MARCHF1: variants seen among roughly 807,000 people sequenced by gnomAD.
MARCHF1 encodes the protein membrane associated ring-CH-type finger 1, also known as E3 ubiquitin-protein ligase MARCHF1.
MARCHF1 carries 40 observed loss-of-function variants against 54.2 expected under a neutral mutation model. The ratio of observed to expected loss-of-function variants is 0.74; its 90% CI spans 0.57 to 0.96. The LOEUF (loss-of-function observed/expected upper bound fraction) is 0.96, where lower values mean the gene tolerates loss of function less well. Among genes scored for constraint, MARCHF1 ranks in the 40% least tolerant of loss-of-function variants. MARCHF1 has a pLI of 0.00. For missense variants in MARCHF1, 586 were observed against 656.5 expected, an observed-to-expected ratio of 0.89 and a Z score of 1.17; for synonymous variants, 236 against 236.3, an observed-to-expected ratio of 1.00 and a Z score of 0.01.
intron 2 of MARCHF1, among the ~76,000 whole-genome samples, chr4:164,072,722 A>C (rs1754894915): frequency 6.7e-6 from 1 of 150,158 alleles, no homozygotes; most frequent in African/African-American, 2.5e-5. Flanking sequence ...AAAAAAAAAA[A>C]AAACTTCATT....
chr4:163,917,438 T>C (rs572780023), intron 3 of MARCHF1, among the ~76,000 whole-genome samples: 2 of 152,266 alleles, frequency 1.3e-5, no homozygotes, highest in South Asian at 2.1e-4. Flanking sequence ...TTATCAGTGT[T>C]CCAGATTTTG....
intron 7 of MARCHF1, among the ~76,000 whole-genome samples, chr4:163,598,792 G>A (rs193155367): frequency 7.9e-5 from 12 of 152,140 alleles, no homozygotes; most frequent in Admixed American, 6.6e-4. Flanking sequence ...CTGTACACTT[G>A]GATACACTCA....
intron 2 of MARCHF1, among the ~76,000 whole-genome samples, chr4:163,996,135 A>C (rs1753071507): frequency 6.6e-6 from 1 of 151,936 alleles, no homozygotes; most frequent in African/African-American, 2.4e-5. Flanking sequence ...TTTTCTCATC[A>C]TATTTTTATT....
chr4:164,037,465 A>G (rs1284844486), intron 2 of MARCHF1, among the ~76,000 whole-genome samples: 1 of 152,182 alleles, frequency 6.6e-6, no homozygotes, highest in Non-Finnish European at 1.5e-5. Flanking sequence ...ACTATTTTGG[A>G]TCTCTTTATC....
chr4:164,144,291 G>C (rs1456796950), intron 1 of MARCHF1, among the ~76,000 whole-genome samples: 1 of 151,658 alleles, frequency 6.6e-6, no homozygotes, highest in African/African-American at 2.4e-5. Context: ...GGATACCCAG[G>C]AATTGAACTC....
In MARCHF1 at chr4:163,994,740, TACACACACACACACACAC is replaced by T. The variant is rs576243307; in HGVS notation, c.-247-6049_-247-6032del. On this transcript the variant is annotated intron_variant, in intron 2 of 9. Transcript: ENST00000514618. Reference sequence around the variant, plus strand: ...CCTAACAGTCCTAATCAAGCACACATACACACACACACACACACACACACACACACACACACACACACA... The same window carrying T: ...CCTAACAGTCCTAATCAAGCACACATACACACACACACACACACACACACA... Among the ~76,000 whole-genome samples, 147 of 119,242 alleles carry T rather than the reference TACACACACACACACACAC, an allele frequency of 1.2e-3. 1 individual carries two copies. Among genetic ancestry groups the T allele is most frequent in the Non-Finnish European group, 1.7e-3 (97 of 56,354 alleles). The allele number at this position is 119,242 out of a possible 152,430, so 78.2% of individuals were successfully genotyped here.
intron 2 of MARCHF1, among the ~76,000 whole-genome samples, chr4:163,996,405 AT>A (rs942710325): frequency 1.3e-5 from 2 of 152,064 alleles, no homozygotes; most frequent in African/African-American, 4.8e-5. Context: ...AATATGCTAT[AT>A]TCCTAAAGTT....
chr4:163,992,014 A>T, intron 2 of MARCHF1, among the ~76,000 whole-genome samples: 1 of 150,004 alleles, frequency 6.7e-6, no homozygotes, highest in East Asian at 2.0e-4. Flanking sequence ...AACAAAGAAA[A>T]ATATGCATCT....
At position 163,630,064 on chromosome 4, in the gene MARCHF1, C is replaced by G. The variant is rs756354543; in HGVS notation, c.163-16671G>C. Reference sequence around the variant, plus strand: ...AAAGTTAAATAAACCTACCATATAACCTAATCATTCTTTTATATACTTACC... The same window carrying G: ...AAAGTTAAATAAACCTACCATATAAGCTAATCATTCTTTTATATACTTACC... On this transcript the variant is annotated intron_variant, in intron 5 of 9. Transcript: ENST00000514618. Among the ~76,000 whole-genome samples the G allele has an allele frequency of 4.1e-4, 62 of 152,252 alleles. 1 individual carries two copies. The highest frequency in any genetic ancestry group is 7.2e-4 in the Non-Finnish European group (49 of 68,012).
At chr4:164,363,206 T>C (rs1472815984) in intron 1 of MARCHF1, among the ~76,000 whole-genome samples, 1 of 151,984 alleles carries the variant, frequency 6.6e-6, no homozygotes, top group Non-Finnish European at 1.5e-5. Flanking sequence ...AGACTGAACC[T>C]GGGGAAAAAA....
chr4:164,310,698 T>G (rs1302853706), intron 1 of MARCHF1, among the ~76,000 whole-genome samples: 1 of 152,150 alleles, frequency 6.6e-6, no homozygotes, highest in East Asian at 1.9e-4. Flanking sequence ...TGGGAGAAAT[T>G]ACATAGCTGC....
At chr4:163,695,298 A>T (rs1399325433) in intron 5 of MARCHF1, among the ~76,000 whole-genome samples, 10 of 152,210 alleles carry the variant, frequency 6.6e-5, no homozygotes, top group Admixed American at 6.6e-4. Flanking sequence ...AAGTAAAATT[A>T]AAGTATATAT....
intron 4 of MARCHF1, among the ~76,000 whole-genome samples, chr4:163,714,637 T>C (rs1017809799): frequency 1.3e-5 from 2 of 152,168 alleles, no homozygotes; most frequent in Non-Finnish European, 2.9e-5. Flanking sequence ...GAATAGTAGG[T>C]GGGAAGTATA....
intron 3 of MARCHF1, among the ~76,000 whole-genome samples, chr4:163,876,155 C>T (rs980396873): frequency 6.6e-6 from 1 of 152,054 alleles, no homozygotes; most frequent in African/African-American, 2.4e-5. Context: ...AAAATGTAGC[C>T]TTAACCGTGT....
chr4:164,341,552 T>C (rs1467586616), intron 1 of MARCHF1, among the ~76,000 whole-genome samples: 1 of 152,244 alleles, frequency 6.6e-6, no homozygotes, highest in African/African-American at 2.4e-5. Context: ...TACATAGTTA[T>C]GGAAACTGGA....
In MARCHF1 at chr4:164,343,574, C is replaced by T. The variant is rs150464979; in HGVS notation, c.-323+40296G>A. Reference sequence around the variant, plus strand: ...GAAAAGGACATGAATAGACTTTTCACGTCTCCTTTTCAAAAGGAAACATAC... The same window carrying T: ...GAAAAGGACATGAATAGACTTTTCATGTCTCCTTTTCAAAAGGAAACATAC... On this transcript the variant is annotated intron_variant, in intron 1 of 9. Transcript: ENST00000514618. 1.6e-3 allele frequency among the ~76,000 whole-genome samples: 251 copies of T among 152,220 alleles called. 3 individuals carry two copies. In the Middle Eastern group the frequency reaches 0.017, roughly 10 times the overall value.
chr4:164,077,987 C>T (rs9760628), intron 2 of MARCHF1, among the ~76,000 whole-genome samples: 6,806 of 152,128 alleles, frequency 0.045, 254 homozygotes, highest in East Asian at 0.19. Context: ...TCCTCAAGGA[C>T]CTAGAACCAG....
intron 4 of MARCHF1, among the ~76,000 whole-genome samples, chr4:163,808,683 C>G (rs1234899421): frequency 6.6e-6 from 1 of 152,116 alleles, no homozygotes; most frequent in Non-Finnish European, 1.5e-5. Flanking sequence ...ATTCTCCTGC[C>G]TCAGCCTCCC....
chr4:164,156,008 C>T (rs1295701120), intron 1 of MARCHF1, among the ~76,000 whole-genome samples: 1 of 152,052 alleles, frequency 6.6e-6, no homozygotes, highest in African/African-American at 2.4e-5. Context: ...TAATGAAAAA[C>T]TATCAAAAGA....
Sources: gnomAD v4.1 joint callset for allele counts (sites outside exome capture counted in the v4.1 genomes callset) on GRCh38, gnomAD v4.1.1 for gene constraint, MANE v1.5 for transcripts, NCBI Gene and HGNC (gene_info 2026-07-23, HGNC 2026-07-21) for gene names.